The following CD96 variants were observed in gnomAD, a reference collection of about 807,000 sequenced individuals.
The protein encoded by CD96 is CD96 molecule, also known as T-cell surface protein tactile.
In CD96, 70 loss-of-function variants were observed where a neutral mutation model predicts 71.3. The ratio of observed to expected loss-of-function variants is 0.98; its 90% confidence interval spans 0.81 to 1.20. CD96 has a LOEUF of 1.20. Ranked by LOEUF, CD96 falls within the 50% of genes most tolerant of loss-of-function variation. The probability of loss-of-function intolerance (pLI) is 0.00; values close to 1 mark genes in which losing one functional copy is unlikely to be tolerated. For synonymous variants in CD96, 248 were observed against 233.0 expected (o/e 1.06, Z -0.59); for missense variants, 742 against 677.5 (o/e 1.10, Z -1.06).
At chr3:111,586,378 G>A (rs1470692030) in intron 5 of CD96, among the ~76,000 whole-genome samples, 11 of 152,134 alleles carry the variant, frequency 7.2e-5, no homozygotes, top group Non-Finnish European at 1.6e-4. Flanking sequence ...CATTTAATTT[G>A]ATAATTGCAT....
At chr3:111,635,030 G>A (rs1307686350) in intron 10 of CD96, 2 of 153,262 alleles carry the variant, frequency 1.3e-5, no homozygotes, top group African/African-American at 4.8e-5. Flanking sequence ...TAAGCATTCA[G>A]GAAAGTATTG....
intron 14 of CD96, among the ~76,000 whole-genome samples, chr3:111,657,936 T>A (rs964709701): frequency 7.2e-5 from 11 of 152,184 alleles, no homozygotes; most frequent in African/African-American, 9.6e-5. Context: ...GCATATGTGT[T>A]TTGCATTGCA....
At chr3:111,609,794 G>T (rs1478339356) in intron 8 of CD96, among the ~76,000 whole-genome samples, 1 of 152,164 alleles carries the variant, frequency 6.6e-6, no homozygotes, top group Admixed American at 6.5e-5. Flanking sequence ...GTAAAACAAG[G>T]TTCCACCACA....
chr3:111,603,779 G>A (rs550618090), intron 7 of CD96, among the ~76,000 whole-genome samples: 26 of 152,270 alleles, frequency 1.7e-4, no homozygotes, highest in South Asian at 1.0e-3. Flanking sequence ...GTGTATCTTC[G>A]CATGTAGAAA....
chr3:111,612,964 A>G (rs1021533464), intron 8 of CD96: 2 of 186,074 alleles, frequency 1.1e-5, no homozygotes, highest in Non-Finnish European at 2.0e-5. Flanking sequence ...CACTGTAGAT[A>G]TGAATCTACA....
intron 2 of CD96, among the ~76,000 whole-genome samples, chr3:111,558,040 T>G (rs1232851137): frequency 2.7e-5 from 4 of 146,748 alleles, no homozygotes; most frequent in Non-Finnish European, 4.5e-5. Context: ...TGCTTGTGAT[T>G]TTTGTACATT....
downstream of CD96, among the ~76,000 whole-genome samples, chr3:111,653,668 C>T (rs1940160049): frequency 6.6e-6 from 1 of 152,182 alleles, no homozygotes; most frequent in Non-Finnish European, 1.5e-5. Flanking sequence ...TGACCCAGCT[C>T]TCTGATTTCT....
chr3:111,632,612 T>C (rs1214358730), intron 10 of CD96, among the ~76,000 whole-genome samples: 1 of 152,194 alleles, frequency 6.6e-6, no homozygotes, highest in Non-Finnish European at 1.5e-5. Context: ...GCAATCCCAT[T>C]ACTGAGTGTA....
At chr3:111,571,375 A>G (rs569173655) in intron 3 of CD96, among the ~76,000 whole-genome samples, 16 of 151,664 alleles carry the variant, frequency 1.1e-4, no homozygotes, top group African/African-American at 2.9e-4. Flanking sequence ...TATTAAATTA[A>G]TGATCACTAA....
intron 3 of CD96, chr3:111,570,947 G>C: frequency 1.3e-6 from 2 of 1,559,026 alleles, no homozygotes; most frequent in Non-Finnish European, 1.8e-6. Context: ...AGGGGGTCTT[G>C]AGTGGGCTGT....
intron 14 of CD96, among the ~76,000 whole-genome samples, chr3:111,661,210 G>C (rs1940346278): frequency 6.6e-6 from 1 of 152,120 alleles, no homozygotes; most frequent in Non-Finnish European, 1.5e-5. Flanking sequence ...CTCACTCACT[G>C]TCCTGGGAAC....
At position 111,614,408 on chromosome 3, in the gene CD96, C is replaced by G. The variant is rs576141967; in HGVS notation, c.1180+7616C>G. On this transcript the variant is annotated intron_variant, in intron 8 of 13. Transcript: ENST00000352690. ...GGATGTAATCTGACTTAGGTGTCCT[C>G]TGGATGAGGAGAATAAAAATTGCCA... 2.6e-5 allele frequency among the ~76,000 whole-genome samples: 4 copies of G among 152,272 alleles called. No homozygotes were observed. In the South Asian group the frequency reaches 8.3e-4, roughly 32 times the overall value.
intron 7 of CD96, among the ~76,000 whole-genome samples, chr3:111,603,789 AGAG>A (rs1290726444): frequency 3.3e-5 from 5 of 152,184 alleles, no homozygotes; most frequent in African/African-American, 1.2e-4. Context: ...GCATGTAGAA[AGAG>A]GAGTAATAAA....
At chr3:111,546,005 A>G (rs537646285) in intron 2 of CD96, among the ~76,000 whole-genome samples, 1 of 152,320 alleles carries the variant, frequency 6.6e-6, no homozygotes, top group East Asian at 1.9e-4. Context: ...TGTTTAAAAA[A>G]AAAAAGTCAT....
At chr3:111,646,381 T>TA (rs1390682905) in intron 12 of CD96, among the ~76,000 whole-genome samples, 10 of 151,996 alleles carry the variant, frequency 6.6e-5, no homozygotes, top group Admixed American at 2.6e-4. Flanking sequence ...CTCTTATTCT[T>TA]AAAAAAACAT....
intron 1 of CD96, among the ~76,000 whole-genome samples, chr3:111,542,787 C>A (rs914010109): frequency 6.6e-6 from 1 of 152,062 alleles, no homozygotes; most frequent in East Asian, 1.9e-4. Flanking sequence ...GTTGAAAACA[C>A]GTTGAATTTT....
At chr3:111,615,992 C>T (rs536174268) in intron 8 of CD96, among the ~76,000 whole-genome samples, 6 of 152,082 alleles carry the variant, frequency 3.9e-5, no homozygotes, top group Non-Finnish European at 7.4e-5. Flanking sequence ...CTCATCTTCT[C>T]GAAATTTTTG....
At chr3:111,660,290 T>C (rs1434200818) in intron 14 of CD96, among the ~76,000 whole-genome samples, 1 of 152,176 alleles carries the variant, frequency 6.6e-6, no homozygotes, top group Non-Finnish European at 1.5e-5. Flanking sequence ...ACAAAATACC[T>C]AGGAATACTG....
intron 5 of CD96, chr3:111,593,425 A>G: frequency 2.4e-6 from 3 of 1,272,936 alleles, no homozygotes; most frequent in Non-Finnish European, 3.2e-6. Context: ...ACTGTGCACT[A>G]TTTCACATAA....
Sources: allele counts gnomAD v4.1 joint callset (sites outside exome capture counted in the v4.1 genomes callset), GRCh38; gene constraint gnomAD v4.1.1; transcripts MANE v1.5; gene names NCBI Gene and HGNC (gene_info 2026-07-23, HGNC 2026-07-21).